RTN4RL1: variants seen among roughly 807,000 people sequenced by gnomAD.
The protein encoded by RTN4RL1 is reticulon 4 receptor like 1.
In RTN4RL1, 7 loss-of-function variants were observed where a neutral mutation model predicts 25.6. That is an observed-to-expected ratio of 0.27 (90% CI 0.16 to 0.51). The LOEUF (loss-of-function observed/expected upper bound fraction) is 0.51. RTN4RL1 is among the 20% of genes least tolerant of loss of function. The pLI, the probability that RTN4RL1 is intolerant of heterozygous loss-of-function variation, is 0.97. For missense variants in RTN4RL1, 500 were observed against 615.6 expected (o/e 0.81, Z 1.99); for synonymous variants, 297 against 288.2 (o/e 1.03, Z -0.31).
intron 1 of RTN4RL1, among the ~76,000 whole-genome samples, chr17:2,017,478 C>T (rs949989667): frequency 1.3e-5 from 2 of 152,210 alleles, no homozygotes; most frequent in Non-Finnish European, 2.9e-5. Flanking sequence ...GCACACACAG[C>T]GCTGGCCTGC....
intron 1 of RTN4RL1, among the ~76,000 whole-genome samples, chr17:1,973,237 C>T (rs2066828198): frequency 6.6e-6 from 1 of 151,902 alleles, no homozygotes; most frequent in Non-Finnish European, 1.5e-5. Context: ...TAGTGGCAAA[C>T]GCTTATAATC....
chr17:1,939,741 A>G (rs1335867991), intron 1 of RTN4RL1, among the ~76,000 whole-genome samples: 1 of 152,190 alleles, frequency 6.6e-6, no homozygotes, highest in East Asian at 1.9e-4. Flanking sequence ...ATTACGGACG[A>G]TCGTCATTAC....
chr17:1,970,019 C>CTTTTTTTTTTT, intron 1 of RTN4RL1, among the ~76,000 whole-genome samples: 1 of 72,188 alleles, frequency 1.4e-5, no homozygotes, highest in Non-Finnish European at 2.7e-5. Context: ...CTCTCTCTCT[C>CTTTTTTTTTTT]TTTTTTTTTT....
chr17:1,982,282 C>T (rs1485155092), intron 1 of RTN4RL1, among the ~76,000 whole-genome samples: 1 of 150,724 alleles, frequency 6.6e-6, no homozygotes, highest in Non-Finnish European at 1.5e-5. Context: ...GCCTGGTGAA[C>T]AGAATAGGAC....
intron 1 of RTN4RL1, among the ~76,000 whole-genome samples, chr17:1,986,719 T>G (rs2151318004): frequency 1.3e-5 from 2 of 150,816 alleles, no homozygotes; most frequent in Middle Eastern, 6.8e-3. Flanking sequence ...TCTCTGGTTT[T>G]AAACTAACGA....
At chr17:1,963,889 G>A (rs778918631) in intron 1 of RTN4RL1, among the ~76,000 whole-genome samples, 30 of 152,136 alleles carry the variant, frequency 2.0e-4, no homozygotes, top group East Asian at 5.8e-4. Context: ...CACCACGCCC[G>A]GCTCATTTTG....
Position 1,937,456 on chromosome 17 carries a change from C to T in RTN4RL1, c.366G>A (p.Gln122=), listed in dbSNP as rs577223613. ...AGAGGGCGTGAAGCTTCACCAGGCC[C>T]TGGAAGGTCTCGGGTGCCAGCGTCC... ...QLRTLAPETF[Q]GLVKLHALYL... Residue 122 remains glutamine, a synonymous_variant, in exon 2 of 2, where the codon CAG becomes CAA. Transcript: ENST00000331238. The T allele has an allele frequency of 4.3e-6, 7 of 1,613,972 alleles. No individual in the cohort carries two copies. Among genetic ancestry groups the T allele is most frequent in the Non-Finnish European group, 5.9e-6 (7 of 1,179,894 alleles).
At chr17:1,941,821 C>G (rs1443948331) in intron 1 of RTN4RL1, among the ~76,000 whole-genome samples, 4 of 152,160 alleles carry the variant, frequency 2.6e-5, no homozygotes, top group Non-Finnish European at 5.9e-5. Flanking sequence ...TCTGGTACCC[C>G]CTGCCAGAGC....
At chr17:1,966,811 C>T (rs922274289) in intron 1 of RTN4RL1, among the ~76,000 whole-genome samples, 28 of 152,130 alleles carry the variant, frequency 1.8e-4, no homozygotes, top group Admixed American at 9.2e-4. Flanking sequence ...TACCTAGTTC[C>T]GGCATTGCCA....
chr17:1,992,299 C>T (rs2066912698), intron 1 of RTN4RL1, among the ~76,000 whole-genome samples: 1 of 144,380 alleles, frequency 6.9e-6, no homozygotes, highest in Non-Finnish European at 1.5e-5. Context: ...GCAGAGGTTG[C>T]AGTGAGCCAA....
intron 1 of RTN4RL1, among the ~76,000 whole-genome samples, chr17:1,986,362 T>C (rs1453385977): frequency 6.6e-6 from 1 of 151,822 alleles, no homozygotes; most frequent in Admixed American, 6.6e-5. Context: ...CTGGAGTGAA[T>C]TGAATGGTGG....
chr17:2,007,800 G>A (rs1050923517), intron 1 of RTN4RL1, among the ~76,000 whole-genome samples: 4 of 151,960 alleles, frequency 2.6e-5, no homozygotes, highest in Non-Finnish European at 5.9e-5. Context: ...AAAAGAATTA[G>A]CCAGGCATGG....
intron 1 of RTN4RL1, among the ~76,000 whole-genome samples, chr17:2,010,386 A>C (rs955454605): frequency 2.0e-5 from 3 of 152,162 alleles, no homozygotes; most frequent in African/African-American, 7.2e-5. Context: ...CTGAGGCACG[A>C]GAATCGCTTG....
intron 1 of RTN4RL1, among the ~76,000 whole-genome samples, chr17:2,001,927 T>TGGGGGGGGGGG (rs1555520650): frequency 1.4e-5 from 2 of 146,190 alleles, no homozygotes; most frequent in African/African-American, 5.1e-5. Context: ...ACTTCAGCCC[T>TGGGGGGGGGGG]GGGGGAGGGG....
At chr17:1,954,055 T>G (rs1915738290) in intron 1 of RTN4RL1, among the ~76,000 whole-genome samples, 1 of 152,204 alleles carries the variant, frequency 6.6e-6, no homozygotes, top group Non-Finnish European at 1.5e-5. Context: ...GTGTCCACAG[T>G]GATCTTGTTA....
intron 1 of RTN4RL1, chr17:2,020,694 C>G (rs1378471500): frequency 1.3e-5 from 2 of 152,196 alleles, no homozygotes; most frequent in Non-Finnish European, 2.9e-5. Flanking sequence ...CAGATAAAGT[C>G]TAATGAAAGA....
chr17:2,015,007 A>G (rs2067101998), intron 1 of RTN4RL1, among the ~76,000 whole-genome samples: 1 of 152,152 alleles, frequency 6.6e-6, no homozygotes, highest in South Asian at 2.1e-4. Context: ...GGTTCTAAGA[A>G]GAGAGAGACA....
At chr17:2,016,320 G>A (rs542650517) in intron 1 of RTN4RL1, among the ~76,000 whole-genome samples, 1 of 152,176 alleles carries the variant, frequency 6.6e-6, no homozygotes, top group African/African-American at 2.4e-5. Flanking sequence ...GGCAGAATTT[G>A]CAGTGAGCCA....
At chr17:1,989,717 G>A (rs1172647259) in intron 1 of RTN4RL1, among the ~76,000 whole-genome samples, 1 of 152,052 alleles carries the variant, frequency 6.6e-6, no homozygotes, top group Non-Finnish European at 1.5e-5. Context: ...AGGATTACAG[G>A]TGCATGCCAC....
Sources: allele counts gnomAD v4.1 joint callset (sites outside exome capture counted in the v4.1 genomes callset), GRCh38; gene constraint gnomAD v4.1.1; transcripts MANE v1.5; gene names NCBI Gene and HGNC (gene_info 2026-07-23, HGNC 2026-07-21).